MCPH1: variants seen among roughly 807,000 people sequenced by gnomAD.
MCPH1 encodes microcephalin 1, also known as microcephalin.
MCPH1 carries 104 observed loss-of-function variants against 84.5 expected under a neutral mutation model. That is an observed-to-expected ratio of 1.23 (90% CI 1.05 to 1.45). The LOEUF is 1.45. Ranked by LOEUF, MCPH1 falls within the 40% of genes most tolerant of loss-of-function variation. MCPH1 has a pLI of 0.00. For synonymous variants in MCPH1, 514 were observed against 366.8 expected (o/e 1.40, Z -4.58); for missense variants, 1,498 against 1,005.7 (o/e 1.49, Z -6.62).
intron 11 of MCPH1, among the ~76,000 whole-genome samples, chr8:6,482,770 G>T (rs1221756295): frequency 6.6e-6 from 1 of 152,250 alleles, no homozygotes; most frequent in Admixed American, 6.5e-5. Context: ...TGAAATTTTA[G>T]GTTATTGTAT....
At chr8:6,505,956 T>C (rs1361448515) in intron 12 of MCPH1, among the ~76,000 whole-genome samples, 1 of 2,394 alleles carries the variant, frequency 4.2e-4, no homozygotes, top group East Asian at 0.071. Context: ...TATATGTATA[T>C]ATAAAAACAT....
intron 8 of MCPH1, chr8:6,447,293 A>G (rs1129706): frequency 0.8 from 787,143 of 984,992 alleles, 321,278 homozygotes; most frequent in Non-Finnish European, 0.83. Context: ...TTCAGTTTCA[A>G]TGTCAGGGAT....
intron 13 of MCPH1, among the ~76,000 whole-genome samples, chr8:6,630,398 A>G (rs1424109164): frequency 6.6e-6 from 1 of 152,242 alleles, no homozygotes; most frequent in East Asian, 1.9e-4. Context: ...AACAGGTAAG[A>G]TGGATGATTT....
intron 9 of MCPH1, chr8:6,474,331 C>G (rs1361308486): frequency 2.3e-6 from 1 of 442,702 alleles, no homozygotes; most frequent in African/African-American, 2.0e-5. Context: ...ACCTGGCTTT[C>G]TATGACACGT....
At chr8:6,617,722 G>A (rs796350329) in intron 12 of MCPH1, among the ~76,000 whole-genome samples, 2 of 151,916 alleles carry the variant, frequency 1.3e-5, no homozygotes, top group Admixed American at 6.6e-5. Context: ...TGTCACCCAC[G>A]CTGGAGTGAA....
At chr8:6,597,663 A>G (rs745578766) in intron 12 of MCPH1, among the ~76,000 whole-genome samples, 9 of 152,070 alleles carry the variant, frequency 5.9e-5, no homozygotes, top group Non-Finnish European at 1.2e-4. Context: ...AGGGAGAGGG[A>G]ATGAAGAGGA....
At chr8:6,535,614 T>C (rs1431974741) in intron 12 of MCPH1, among the ~76,000 whole-genome samples, 1 of 152,218 alleles carries the variant, frequency 6.6e-6, no homozygotes, top group Non-Finnish European at 1.5e-5. Flanking sequence ...TATAAATATA[T>C]ACAGCTCTTG....
chr8:6,534,848 T>G (rs933155940), intron 12 of MCPH1, among the ~76,000 whole-genome samples: 1 of 152,178 alleles, frequency 6.6e-6, no homozygotes, highest in African/African-American at 2.4e-5. Context: ...CTTTTGTGAT[T>G]GAAATAAACT....
chr8:6,568,104 C>G (rs1826350821), intron 12 of MCPH1, among the ~76,000 whole-genome samples: 1 of 152,218 alleles, frequency 6.6e-6, no homozygotes, highest in Admixed American at 6.5e-5. Flanking sequence ...GCTACCTACT[C>G]CCAGAAAGAG....
chr8:6,498,248 C>T (rs982435839), intron 11 of MCPH1, among the ~76,000 whole-genome samples: 2 of 152,114 alleles, frequency 1.3e-5, no homozygotes, highest in African/African-American at 4.8e-5. Context: ...GTTGGGCCAA[C>T]CTTTTGTTTT....
chr8:6,510,057 T>G (rs927162642), intron 12 of MCPH1, among the ~76,000 whole-genome samples: 5 of 152,162 alleles, frequency 3.3e-5, no homozygotes, highest in Admixed American at 6.5e-5. Context: ...GTTGAACCAT[T>G]GTAAGCTGAA....
At chr8:6,471,455 T>C (rs1172358447) in intron 9 of MCPH1, among the ~76,000 whole-genome samples, 2 of 152,220 alleles carry the variant, frequency 1.3e-5, no homozygotes, top group African/African-American at 2.4e-5. Context: ...GATAATAAGA[T>C]ACCATTTCCA....
At chr8:6,412,092 A>G (rs1220799915) in intron 2 of MCPH1, among the ~76,000 whole-genome samples, 1 of 152,176 alleles carries the variant, frequency 6.6e-6, no homozygotes, top group Non-Finnish European at 1.5e-5. Context: ...AGTGGGTGCT[A>G]CTGAATACCC....
chr8:6,409,367 AAAGGT>A lies in MCPH1; in HGVS notation c.114+1_114+5del. 1 of 1,610,326 alleles carries A rather than the reference AAAGGT, an allele frequency of 6.2e-7. No individual in the cohort carries two copies. Among genetic ancestry groups the A allele is most frequent in the Non-Finnish European group, 8.5e-7 (1 of 1,176,588 alleles). On this transcript the variant is annotated splice_donor_variant and coding_sequence_variant, in exon 2 of 14. Transcript: ENST00000344683. LOFTEE classifies it high-confidence loss of function. ...CAACACAGCTTGTGGATATGGGGGC[AAAGGT>A]AAGACACTTATTTTGCTGTTGATTC...
chr8:6,415,032 C>T (rs952486171), intron 3 of MCPH1, 149 bp downstream of exon 3: 7 of 783,512 alleles, frequency 8.9e-6, no homozygotes, highest in African/African-American at 1.7e-5. Flanking sequence ...AATCCTCCAG[C>T]CTCAATTTCT....
At chr8:6,523,388 C>G (rs1029711554) in intron 12 of MCPH1, among the ~76,000 whole-genome samples, 3 of 152,112 alleles carry the variant, frequency 2.0e-5, no homozygotes, top group African/African-American at 4.8e-5. Flanking sequence ...GTTTGCCTTC[C>G]TAATTTCAAC....
intron 12 of MCPH1, among the ~76,000 whole-genome samples, chr8:6,530,755 T>C (rs1819344232): frequency 6.6e-6 from 1 of 152,210 alleles, no homozygotes; most frequent in Non-Finnish European, 1.5e-5. Context: ...TATTCTCTTA[T>C]CTGTAAGTCT....
chr8:6,481,690 G>A (rs1198534856), intron 11 of MCPH1, among the ~76,000 whole-genome samples: 1 of 152,212 alleles, frequency 6.6e-6, no homozygotes, highest in Non-Finnish European at 1.5e-5. Flanking sequence ...TCCGTGTTGT[G>A]ACAGAGGTTA....
intron 13 of MCPH1, among the ~76,000 whole-genome samples, chr8:6,640,477 T>C (rs1797870864): frequency 6.6e-6 from 1 of 152,224 alleles, no homozygotes; most frequent in Non-Finnish European, 1.5e-5. Context: ...TCTGAATATC[T>C]TAGATAGGAG....
Sources: gnomAD v4.1 joint callset for allele counts (sites outside exome capture counted in the v4.1 genomes callset) on GRCh38, gnomAD v4.1.1 for gene constraint, MANE v1.5 for transcripts, NCBI Gene and HGNC (gene_info 2026-07-23, HGNC 2026-07-21) for gene names.